NAF1: variants seen among roughly 807,000 people sequenced by gnomAD.
NAF1 encodes the protein nuclear assembly factor 1 ribonucleoprotein.
Under a neutral mutation model 40.6 loss-of-function variants are expected in NAF1, and 11 were observed. The observed-to-expected ratio is 0.27, with a 90% CI of 0.17 to 0.45. The LOEUF (loss-of-function observed/expected upper bound fraction) is 0.45. NAF1 is among the 20% of genes least tolerant of loss of function. The pLI, the probability that NAF1 is intolerant of heterozygous loss-of-function variation, is 1.00. For synonymous variants in NAF1, 260 were observed against 228.5 expected (o/e 1.14, Z -1.24); for missense variants, 607 against 611.1 (o/e 0.99, Z 0.07).
chr4:163,117,118 C>CTGTAG (rs1192688069), intron 2 of NAF1, among the ~76,000 whole-genome samples: 1 of 152,250 alleles, frequency 6.6e-6, no homozygotes, highest in East Asian at 1.9e-4. Context: ...TACAGTTCTA[C>CTGTAG]GGCTTTTCTC....
chr4:163,166,345 G>A lies in NAF1; in HGVS notation c.365+18C>T. On this transcript the variant is annotated intron_variant, in intron 1 of 7. Transcript: ENST00000274054. ...ACAAGACCTCTCCCCACAGCTCCGG[G>A]TCCCTTAGGCACCCGACCTGTCCGA... is the stretch of plus-strand genomic sequence containing the variant. 8 of 1,567,622 alleles carry A rather than the reference G, an allele frequency of 5.1e-6. No homozygotes were observed. Among genetic ancestry groups the A allele is most frequent in the Non-Finnish European group, 6.1e-6 (7 of 1,156,440 alleles).
chr4:163,145,473 T>C (rs1245864670), intron 4 of NAF1, among the ~76,000 whole-genome samples: 1 of 152,234 alleles, frequency 6.6e-6, no homozygotes, highest in Non-Finnish European at 1.5e-5. Flanking sequence ...GCTGAGTATC[T>C]GGACGGTAGG....
chr4:163,118,805 G>A (rs190708781), intron 2 of NAF1, among the ~76,000 whole-genome samples: 4 of 151,974 alleles, frequency 2.6e-5, no homozygotes, highest in Admixed American at 1.3e-4. Context: ...CATTTGTAAC[G>A]GTCATTGCTA....
intron 2 of NAF1, among the ~76,000 whole-genome samples, chr4:163,121,300 A>G (rs1730511441): frequency 6.6e-6 from 1 of 152,276 alleles, no homozygotes; most frequent in African/African-American, 2.4e-5. Context: ...TCCATACAGG[A>G]TATTATCCAT....
At chr4:163,118,291 A>G (rs1730412093) in intron 2 of NAF1, among the ~76,000 whole-genome samples, 1 of 152,232 alleles carries the variant, frequency 6.6e-6, no homozygotes, top group African/African-American at 2.4e-5. Flanking sequence ...GTACTAGAGT[A>G]GGGACAGGTG....
At chr4:163,127,483 A>G (rs1730700201), downstream of NAF1, among the ~76,000 whole-genome samples, 1 of 152,146 alleles carries the variant, frequency 6.6e-6, no homozygotes, top group Non-Finnish European at 1.5e-5. Context: ...GATGACTAAT[A>G]ATAACATGTT....
chr4:163,113,292 G>A (rs145488611), intron 2 of NAF1, among the ~76,000 whole-genome samples: 7 of 151,944 alleles, frequency 4.6e-5, no homozygotes, highest in South Asian at 2.1e-4. Context: ...GCATGGAAAC[G>A]GTCCCCTCTG....
intron 2 of NAF1, among the ~76,000 whole-genome samples, chr4:163,153,190 G>A (rs191245813): frequency 8.7e-4 from 133 of 152,308 alleles, no homozygotes; most frequent in East Asian, 7.2e-3. Context: ...CCTGCTCCAC[G>A]GCGCCGAGTC....
rs147062017 is a variant in NAF1, at chr4:163,147,285, T to C, written c.634+1056A>G. 1.6e-3 allele frequency among the ~76,000 whole-genome samples: 240 copies of C among 152,324 alleles called. 2 individuals carry two copies. The highest frequency in any genetic ancestry group is 5.6e-3 in the African/African-American group (232 of 41,572). On this transcript the variant is annotated intron_variant, in intron 3 of 7. Transcript: ENST00000274054. ...AAGAAAAAGGTCCTATTTCTACCAC[T>C]GACTCACTATACAACTGGTCCTAAG...
At chr4:163,123,875 C>CCG (rs1730581462), downstream of NAF1, among the ~76,000 whole-genome samples, 1 of 152,152 alleles carries the variant, frequency 6.6e-6, no homozygotes, top group African/African-American at 2.4e-5. Flanking sequence ...GTGAGTGGAA[C>CCG]ATTTTAAGTA....
At chr4:163,126,741 A>C (rs1431600825), downstream of NAF1, 1 of 324,784 alleles carries the variant, frequency 3.1e-6, no homozygotes, top group South Asian at 6.3e-5. Flanking sequence ...CTACACAGAA[A>C]TCTTTGGTGA....
chr4:163,133,325 G>T, intron 6 of NAF1, 69 bp from the exon 7 acceptor site: 1 of 1,236,060 alleles, frequency 8.1e-7, no homozygotes, highest in Non-Finnish European at 1.2e-6. Flanking sequence ...CATACTTGGA[G>T]GTGAAGAAAA....
chr4:163,158,421 T>C (rs1354794100), intron 2 of NAF1: 1 of 152,090 alleles, frequency 6.6e-6, no homozygotes, highest in African/African-American at 2.4e-5. Context: ...CATTAACTTC[T>C]TCAGGGGAAG....
At chr4:163,142,392 G>A (rs181420547) in intron 4 of NAF1, among the ~76,000 whole-genome samples, 1 of 152,076 alleles carries the variant, frequency 6.6e-6, no homozygotes, top group African/African-American at 2.4e-5. Flanking sequence ...TGTTTCCCAG[G>A]GATTTGTTTC....
At position 163,128,741 on chromosome 4, in the gene NAF1, C is replaced by A; in HGVS notation, c.*156G>T. On this transcript the variant is annotated 3_prime_UTR_variant, in exon 8 of 8. Transcript: ENST00000274054. ...TGACATTTTCATATGAATACAATTT[C>A]ACAAAGGTTACAAATATATATCAAC... 1 of 1,119,960 alleles carries A rather than the reference C, an allele frequency of 8.9e-7. No homozygotes were observed. The highest frequency in any genetic ancestry group is 1.1e-6 in the Non-Finnish European group (1 of 872,300). 69.4% of individuals were successfully genotyped at this position (1,119,960 alleles called of 1,614,324 possible).
chr4:163,154,894 A>C (rs925917955), intron 2 of NAF1, among the ~76,000 whole-genome samples: 13 of 151,528 alleles, frequency 8.6e-5, no homozygotes, highest in Non-Finnish European at 1.3e-4. Flanking sequence ...CAAAAACAAA[A>C]AAAAAAAAAC....
At chr4:163,129,722 G>T (rs1010615468) in intron 7 of NAF1, among the ~76,000 whole-genome samples, 12 of 152,126 alleles carry the variant, frequency 7.9e-5, no homozygotes, top group African/African-American at 2.7e-4. Context: ...GGCTGAACAG[G>T]GTGCCAGTAA....
Position 163,145,258 on chromosome 4 carries a change from T to C in NAF1, c.717+524A>G, listed in dbSNP as rs183083711. Among the ~76,000 whole-genome samples, 7 of 152,316 alleles carry C rather than the reference T, an allele frequency of 4.6e-5. No individual in the cohort carries two copies. In the East Asian group the frequency reaches 1.4e-3, roughly 29 times the overall value. On this transcript the variant is annotated intron_variant, in intron 4 of 7. Transcript: ENST00000274054. Reference sequence around the variant, plus strand: ...CCAAATCTTATAGTAATTACTTGAATGCACATATTTGTAATTCCCCAGGAT... The same window carrying C: ...CCAAATCTTATAGTAATTACTTGAACGCACATATTTGTAATTCCCCAGGAT...
intron 2 of NAF1, among the ~76,000 whole-genome samples, chr4:163,121,330 T>C (rs1468632654): frequency 1.3e-5 from 2 of 152,188 alleles, no homozygotes; most frequent in Non-Finnish European, 2.9e-5. Context: ...TATATCCATA[T>C]AAATTTAGGA....
Sources: gnomAD v4.1 joint callset for allele counts (sites outside exome capture counted in the v4.1 genomes callset) on GRCh38, gnomAD v4.1.1 for gene constraint, MANE v1.5 for transcripts, NCBI Gene and HGNC (gene_info 2026-07-23, HGNC 2026-07-21) for gene names.